The following TASP1 variants were observed in gnomAD, a reference collection of about 807,000 sequenced individuals.
The protein encoded by TASP1 is taspase 1.
TASP1 carries 16 observed loss-of-function variants against 56.6 expected under a neutral mutation model. That is an observed-to-expected ratio of 0.28 (90% CI 0.19 to 0.43). The LOEUF is 0.43. Among genes scored for constraint, TASP1 ranks in the 20% least tolerant of loss-of-function variants. The pLI, the probability that TASP1 is intolerant of heterozygous loss-of-function variation, is 1.00. For synonymous variants in TASP1, 179 were observed against 184.2 expected, an observed-to-expected ratio of 0.97 and a Z score of 0.23; for missense variants, 393 against 511.6, an observed-to-expected ratio of 0.77 and a Z score of 2.24.
intron 2 of TASP1, among the ~76,000 whole-genome samples, 194 bp from the exon 3 acceptor site, chr20:13,625,446 T>G (rs2048856814): frequency 6.6e-6 from 1 of 152,202 alleles, no homozygotes; most frequent in African/African-American, 2.4e-5. Context: ...TTTCAAAAGC[T>G]CTTTTCCTGC....
intron 13 of TASP1, among the ~76,000 whole-genome samples, chr20:13,396,342 A>C (rs1218746983): frequency 6.6e-6 from 1 of 152,260 alleles, no homozygotes; most frequent in African/African-American, 2.4e-5. Context: ...GTCAGACTTC[A>C]TCCTGAAAGC....
the TASP1 span, among the ~76,000 whole-genome samples, chr20:13,344,377 G>A: frequency 6.6e-6 from 1 of 152,080 alleles, no homozygotes; most frequent in African/African-American, 2.4e-5. Context: ...TCAGATCCTG[G>A]TAAAAGCATG....
At chr20:13,179,406 C>CGTGTGCATGT in the TASP1 span, among the ~76,000 whole-genome samples, 1 of 143,404 alleles carries the variant, frequency 7.0e-6, no homozygotes, top group Non-Finnish European at 1.5e-5. Context: ...GAATTATGTG[C>CGTGTGCATGT]GTGTGTGTGT....
the TASP1 span, among the ~76,000 whole-genome samples, chr20:13,298,742 A>G: frequency 6.6e-6 from 1 of 152,154 alleles, no homozygotes; most frequent in Non-Finnish European, 1.5e-5. Context: ...GGACGTGAGA[A>G]CGGCCATCCA....
the TASP1 span, among the ~76,000 whole-genome samples, chr20:13,119,802 G>A: frequency 6.6e-6 from 1 of 152,212 alleles, no homozygotes; most frequent in Non-Finnish European, 1.5e-5. Context: ...CATAGGGGCT[G>A]TTTCCAAGAC....
chr20:13,427,818 T>G (rs1324153272), intron 12 of TASP1, among the ~76,000 whole-genome samples: 1 of 152,088 alleles, frequency 6.6e-6, no homozygotes, highest in East Asian at 1.9e-4. Flanking sequence ...AAAAAAAGGA[T>G]AAAAGGGTAG....
the TASP1 span, among the ~76,000 whole-genome samples, chr20:13,130,955 T>A: frequency 4.6e-5 from 7 of 152,190 alleles, no homozygotes; most frequent in African/African-American, 1.7e-4. Context: ...GATGTTTATC[T>A]CATAGGACTG....
the TASP1 span, among the ~76,000 whole-genome samples, chr20:13,364,462 C>A: frequency 6.6e-6 from 1 of 152,066 alleles, no homozygotes; most frequent in Non-Finnish European, 1.5e-5. Context: ...GGCCCCATGG[C>A]CATGGCAGGA....
At chr20:13,530,848 A>G (rs1568551445) in intron 9 of TASP1, among the ~76,000 whole-genome samples, 1 of 152,214 alleles carries the variant, frequency 6.6e-6, no homozygotes, top group Non-Finnish European at 1.5e-5. Flanking sequence ...ATTGGATAAA[A>G]TATGGCAACC....
the TASP1 span, among the ~76,000 whole-genome samples, chr20:13,302,418 G>A: frequency 6.6e-6 from 1 of 152,132 alleles, no homozygotes; most frequent in Admixed American, 6.5e-5. Flanking sequence ...ATGCTTTAGT[G>A]GGCCAATGAG....
intron 8 of TASP1, among the ~76,000 whole-genome samples, chr20:13,548,490 C>A (rs1382302224): frequency 6.6e-6 from 1 of 152,076 alleles, no homozygotes; most frequent in East Asian, 1.9e-4. Context: ...TTCAAATAAA[C>A]CTTCATTAAA....
chr20:13,279,499 C>T, the TASP1 span: 1 of 840,782 alleles, frequency 1.2e-6, no homozygotes, highest in Non-Finnish European at 1.8e-6. Context: ...TTGTGTATCG[C>T]CATGCAATCT....
chr20:13,387,990 T>C (rs2041177043), downstream of TASP1, among the ~76,000 whole-genome samples: 1 of 152,228 alleles, frequency 6.6e-6, no homozygotes. Flanking sequence ...AAGATGCCCC[T>C]GTTTCCAAAT....
chr20:13,607,417 G>A (rs73270709), intron 4 of TASP1, among the ~76,000 whole-genome samples: 8 of 152,320 alleles, frequency 5.3e-5, no homozygotes, highest in Admixed American at 1.3e-4. Flanking sequence ...AATAATATAA[G>A]AACTGTTTGC....
the TASP1 span, among the ~76,000 whole-genome samples, chr20:13,172,056 A>T: frequency 2.0e-5 from 3 of 152,122 alleles, no homozygotes; most frequent in Non-Finnish European, 4.4e-5. Context: ...CCAGAAAAAA[A>T]TAGAAAACAT....
chr20:13,422,045 G>A (rs1361513861), intron 12 of TASP1, among the ~76,000 whole-genome samples: 5 of 145,142 alleles, frequency 3.4e-5, no homozygotes, highest in Admixed American at 2.1e-4. Context: ...TCTGCCTCCC[G>A]GGTTCACGCC....
At chr20:13,380,820 C>G in the TASP1 span, among the ~76,000 whole-genome samples, 1 of 152,190 alleles carries the variant, frequency 6.6e-6, no homozygotes, top group East Asian at 1.9e-4. Context: ...AGCAGCTTTG[C>G]AGAGCTGCGG....
At chr20:13,528,642 A>T (rs1209963102) in intron 9 of TASP1, 131 bp from the exon 10 acceptor site, 4 of 652,734 alleles carry the variant, frequency 6.1e-6, no homozygotes, top group African/African-American at 1.8e-5. Context: ...ATAATACCAG[A>T]TGTTGTATAA....
chr20:13,130,085 A>T, the TASP1 span, among the ~76,000 whole-genome samples: 46 of 152,360 alleles, frequency 3.0e-4, 1 homozygote, highest in Middle Eastern at 3.4e-3. Flanking sequence ...TTATCAGCCA[A>T]GTTTCAGGTA....
Sources: gnomAD v4.1 joint callset for allele counts (sites outside exome capture counted in the v4.1 genomes callset) on GRCh38, gnomAD v4.1.1 for gene constraint, MANE v1.5 for transcripts, NCBI Gene and HGNC (gene_info 2026-07-23, HGNC 2026-07-21) for gene names.